The following DPP10 variants were observed in gnomAD, a reference collection of about 807,000 sequenced individuals.
DPP10 encodes the protein dipeptidyl peptidase like 10.
DPP10 carries 33 observed loss-of-function variants against 120.9 expected under a neutral mutation model. The observed-to-expected ratio is 0.27, with a 90% CI of 0.21 to 0.37. The LOEUF is 0.37. Ranked by LOEUF, DPP10 falls within the 10% of genes least tolerant of loss-of-function variation. DPP10 has a pLI of 1.00. For synonymous variants in DPP10, 337 were observed against 326.1 expected (o/e 1.03, Z -0.36); for missense variants, 816 against 942.8 (o/e 0.87, Z 1.76).
intron 4 of DPP10, among the ~76,000 whole-genome samples, chr2:115,501,361 A>G (rs7581019): frequency 0.015 from 2,327 of 152,170 alleles, 62 homozygotes; most frequent in African/African-American, 0.053. Flanking sequence ...CATTATCTCA[A>G]TTCTTTTGCT....
chr2:115,068,467 A>G (rs1312402722), intron 1 of DPP10, among the ~76,000 whole-genome samples: 3 of 152,034 alleles, frequency 2.0e-5, no homozygotes, highest in Non-Finnish European at 4.4e-5. Flanking sequence ...TGTTTTGGAT[A>G]TTAATCTCTC....
At chr2:115,105,005 CA>C (rs10706119) in intron 1 of DPP10, among the ~76,000 whole-genome samples, 34,391 of 135,422 alleles carry the variant, frequency 0.25, 4,436 homozygotes, top group East Asian at 0.33. Flanking sequence ...GACTCCGTCT[CA>C]AAAAAAAAAA....
At chr2:115,461,853 G>A (rs1045480909) in intron 3 of DPP10, among the ~76,000 whole-genome samples, 8 of 152,066 alleles carry the variant, frequency 5.3e-5, no homozygotes, top group Non-Finnish European at 1.0e-4. Flanking sequence ...TAATTACTGA[G>A]TATAGAGTTA....
Position 114,914,988 on chromosome 2 carries a change from G to A in DPP10, c.61-394251G>A, listed in dbSNP as rs570688793. On this transcript the variant is annotated intron_variant, in intron 1 of 25. Coordinates refer to ENST00000410059, the MANE Select transcript of DPP10 (RefSeq NM_020868.6). ...CTACTAAAAATACAAAAAATTAGCC[G>A]GGCGTAGTGGTGGGCGCCTGTAGTC... Among the ~76,000 whole-genome samples the A allele has an allele frequency of 2.2e-3, 331 of 152,246 alleles. 2 individuals are homozygous for A. Among genetic ancestry groups the A allele is most frequent in the African/African-American group, 7.5e-3 (311 of 41,544 alleles).
chr2:115,773,703 T>C (rs1681748141), intron 13 of DPP10, among the ~76,000 whole-genome samples: 1 of 152,118 alleles, frequency 6.6e-6, no homozygotes, highest in South Asian at 2.1e-4. Flanking sequence ...TTTCCTGTGA[T>C]TGCATTTCTG....
intron 5 of DPP10, among the ~76,000 whole-genome samples, chr2:115,640,433 C>G (rs1575415080): frequency 3.2e-5 from 4 of 126,384 alleles, no homozygotes; most frequent in African/African-American, 9.1e-5. Flanking sequence ...AAGTATTCCC[C>G]TTTCTTATCT....
chr2:115,064,951 T>C, intron 1 of DPP10: 1 of 591,460 alleles, frequency 1.7e-6, no homozygotes, highest in Admixed American at 3.6e-5. Flanking sequence ...GCCTAATAGT[T>C]GCCCACATAT....
chr2:114,911,195 AT>A (rs947577680), intron 1 of DPP10, among the ~76,000 whole-genome samples: 11 of 151,546 alleles, frequency 7.3e-5, no homozygotes, highest in Admixed American at 2.0e-4. Context: ...ATGTTCTCTT[AT>A]TTTTTTTCAC....
intron 1 of DPP10, among the ~76,000 whole-genome samples, chr2:114,564,298 T>C (rs1039338618): frequency 1.3e-5 from 2 of 152,114 alleles, no homozygotes; most frequent in African/African-American, 4.8e-5. Context: ...TAAGTTGCTA[T>C]ATATGTCCTA....
At chr2:115,221,569 G>C (rs2105419963) in intron 1 of DPP10, among the ~76,000 whole-genome samples, 1 of 152,224 alleles carries the variant, frequency 6.6e-6, no homozygotes, top group South Asian at 2.1e-4. Context: ...GCCCTATATA[G>C]ATGGCTGACC....
chr2:114,710,154 C>G (rs892325978), intron 1 of DPP10, among the ~76,000 whole-genome samples: 3 of 152,232 alleles, frequency 2.0e-5, no homozygotes, highest in African/African-American at 7.2e-5. Flanking sequence ...CCAAATCTAG[C>G]TCACAGTCTG....
chr2:114,771,175 T>A (rs937357932), intron 1 of DPP10, among the ~76,000 whole-genome samples: 10 of 152,208 alleles, frequency 6.6e-5, no homozygotes, highest in Admixed American at 6.5e-4. Flanking sequence ...TATTTGGCTG[T>A]ATGCATTTTA....
rs1044433691 is a variant in DPP10, at chr2:115,017,666, T to G, written c.61-291573T>G. On this transcript the variant is annotated intron_variant, in intron 1 of 25. Coordinates refer to ENST00000410059, the MANE Select transcript of DPP10 (RefSeq NM_020868.6). The stretch of plus-strand genomic sequence containing the variant: ...GGCATATATACACCATGGAATACTA[T>G]GCAGCCATAAAAAAATGATGAGTTC... 6.9e-4 allele frequency among the ~76,000 whole-genome samples: 14 copies of G among 20,348 alleles called. 1 individual carries two copies. Among genetic ancestry groups the G allele is most frequent in the Non-Finnish European group, 1.8e-3 (11 of 6,174 alleles). The allele number at this position is 20,348 out of a possible 152,430, so 13.3% of individuals were successfully genotyped here.
At chr2:115,253,299 C>T (rs186594735) in intron 1 of DPP10, among the ~76,000 whole-genome samples, 3 of 152,264 alleles carry the variant, frequency 2.0e-5, no homozygotes, top group Admixed American at 6.5e-5. Flanking sequence ...ATTACATCTG[C>T]ACATGAGATT....
chr2:115,688,901 A>C (rs773055930), intron 5 of DPP10, among the ~76,000 whole-genome samples: 2 of 152,116 alleles, frequency 1.3e-5, no homozygotes, highest in African/African-American at 4.8e-5. Flanking sequence ...GGAGAGTGTT[A>C]TCTCACTTCA....
intron 7 of DPP10, among the ~76,000 whole-genome samples, chr2:115,691,666 C>T (rs1196154120): frequency 1.3e-5 from 2 of 152,042 alleles, no homozygotes; most frequent in Non-Finnish European, 2.9e-5. Context: ...GACTTTTTAG[C>T]CTTTCATATG....
At chr2:114,706,486 A>C (rs998125990) in intron 1 of DPP10, among the ~76,000 whole-genome samples, 5 of 152,164 alleles carry the variant, frequency 3.3e-5, no homozygotes, top group Non-Finnish European at 5.9e-5. Context: ...TTTTGGTAAC[A>C]CTTGGCATTT....
intron 1 of DPP10, among the ~76,000 whole-genome samples, chr2:115,295,862 T>A (rs1165237859): frequency 6.6e-6 from 1 of 152,108 alleles, no homozygotes; most frequent in Non-Finnish European, 1.5e-5. Context: ...TTATACCTTC[T>A]ATTTTCAAGG....
chr2:115,735,668 C>G (rs895476245), intron 8 of DPP10, among the ~76,000 whole-genome samples: 13 of 150,282 alleles, frequency 8.7e-5, no homozygotes, highest in Non-Finnish European at 1.8e-4. Context: ...TTACAGGTGC[C>G]CACCACGCCC....
Sources: allele counts gnomAD v4.1 joint callset (sites outside exome capture counted in the v4.1 genomes callset), GRCh38; gene constraint gnomAD v4.1.1; transcripts MANE v1.5; gene names NCBI Gene and HGNC (gene_info 2026-07-23, HGNC 2026-07-21).